The following SYT16 variants were observed in gnomAD, a reference collection of about 807,000 sequenced individuals.
SYT16 encodes synaptotagmin-16.
SYT16 carries 42 observed loss-of-function variants against 61.4 expected under a neutral mutation model. The observed-to-expected ratio is 0.68, with a 90% CI of 0.53 to 0.89. The LOEUF (loss-of-function observed/expected upper bound fraction) is 0.89. Ranked by LOEUF, SYT16 falls within the 40% of genes least tolerant of loss-of-function variation. SYT16 has a pLI of 0.00. For missense variants in SYT16, 804 were observed against 807.3 expected (o/e 1.00, Z 0.05); for synonymous variants, 314 against 302.3 (o/e 1.04, Z -0.40).
At chr14:61,901,165 T>C (rs1323651084) in intron 1 of SYT16, among the ~76,000 whole-genome samples, 1 of 152,230 alleles carries the variant, frequency 6.6e-6, no homozygotes, top group East Asian at 1.9e-4. Context: ...CACTATCTGC[T>C]CTAATACCAG....
At position 62,086,352 on chromosome 14, in the gene SYT16, C is replaced by T. The variant is rs188353061; in HGVS notation, c.1624+1967C>T. 2.2e-3 allele frequency among the ~76,000 whole-genome samples: 331 copies of T among 152,140 alleles called. 2 individuals are homozygous for T. The highest frequency in any genetic ancestry group is 2.1e-3 in the Non-Finnish European group (144 of 67,996). On this transcript the variant is annotated intron_variant, in intron 7 of 7. Transcript: ENST00000683842. ...AAAATTAGCTGAGCTTGGTGGTGCACGCCTGTAATCCCAGCTACTTGGGAG... is the reference window on the plus strand; with the variant it reads ...AAAATTAGCTGAGCTTGGTGGTGCATGCCTGTAATCCCAGCTACTTGGGAG...
chr14:61,874,659 A>G (rs1464706845), intron 1 of SYT16, among the ~76,000 whole-genome samples: 1 of 152,234 alleles, frequency 6.6e-6, no homozygotes, highest in African/African-American at 2.4e-5. Flanking sequence ...CTTTGGGACC[A>G]TAAAGTAGAC....
intron 4 of SYT16, among the ~76,000 whole-genome samples, chr14:62,073,638 C>T (rs7148139): frequency 0.13 from 19,724 of 152,006 alleles, 1,656 homozygotes; most frequent in African/African-American, 0.23. Context: ...TTTACAAAAC[C>T]CCATATTAGG....
rs954131279 is a variant in SYT16 at position 61,821,554 on chromosome 14, C to T, written c.-325+8744C>T. 3.9e-5 allele frequency among the ~76,000 whole-genome samples: 6 copies of T among 152,316 alleles called. 1 individual carries two copies. Among genetic ancestry groups the T allele is most frequent in the Middle Eastern group, 3.4e-3 (1 of 294 alleles). ...ATTCAGACTCTTGCAGGCTGATGGA[C>T]TGAGGGCCTCAATTTCTTACTGGCT... On this transcript the variant is annotated intron_variant, in intron 1 of 7. Transcript: ENST00000683842.
intron 1 of SYT16, among the ~76,000 whole-genome samples, chr14:61,814,570 G>A (rs1018618211): frequency 1.3e-5 from 2 of 152,018 alleles, no homozygotes; most frequent in Non-Finnish European, 2.9e-5. Context: ...TTCCTTATAT[G>A]GTATACTCAA....
chr14:62,008,107 A>C (rs1438128993), intron 3 of SYT16, among the ~76,000 whole-genome samples: 1 of 151,912 alleles, frequency 6.6e-6, no homozygotes, highest in African/African-American at 2.4e-5. Context: ...TGTGTTGTTT[A>C]TTTATTTATT....
intron 1 of SYT16, chr14:61,864,730 G>A: frequency 2.0e-6 from 2 of 992,394 alleles, no homozygotes; most frequent in South Asian, 3.1e-5. Flanking sequence ...CTCGGACAAC[G>A]TGTCCACTCG....
chr14:62,051,555 G>C (rs996167723), intron 3 of SYT16, among the ~76,000 whole-genome samples: 2 of 152,214 alleles, frequency 1.3e-5, no homozygotes, highest in African/African-American at 4.8e-5. Context: ...CCCGTCTTCT[G>C]CATCAGTCAC....
At chr14:61,866,645 T>G (rs2047164960) in intron 1 of SYT16, among the ~76,000 whole-genome samples, 2 of 152,274 alleles carry the variant, frequency 1.3e-5, no homozygotes, top group Admixed American at 1.3e-4. Context: ...ATGAGGGTTC[T>G]TTAGTGTGCA....
intron 1 of SYT16, among the ~76,000 whole-genome samples, chr14:61,966,886 A>C (rs1444330153): frequency 6.6e-6 from 1 of 152,202 alleles, no homozygotes; most frequent in Non-Finnish European, 1.5e-5. Flanking sequence ...AACATAGAAG[A>C]GTTCCAACAT....
chr14:62,032,307 T>C (rs2054337517), intron 3 of SYT16, among the ~76,000 whole-genome samples: 3 of 152,180 alleles, frequency 2.0e-5, no homozygotes, highest in African/African-American at 7.2e-5. Flanking sequence ...TTCTTCACTA[T>C]GGTAAAACCA....
chr14:62,083,649 T>G (rs1477077395), intron 6 of SYT16, among the ~76,000 whole-genome samples: 1 of 152,170 alleles, frequency 6.6e-6, no homozygotes, highest in Non-Finnish European at 1.5e-5. Context: ...AAGGCAAAAT[T>G]TGGCACCTGG....
chr14:61,911,040 A>G (rs965642599), intron 1 of SYT16, among the ~76,000 whole-genome samples: 3 of 152,198 alleles, frequency 2.0e-5, no homozygotes, highest in Non-Finnish European at 2.9e-5. Context: ...GGATCTTGCT[A>G]TTGAACAATT....
At chr14:61,997,289 C>A (rs2052807414) in intron 3 of SYT16, among the ~76,000 whole-genome samples, 1 of 152,010 alleles carries the variant, frequency 6.6e-6, no homozygotes, top group African/African-American at 2.4e-5. Context: ...AAATGATATA[C>A]ACAGAAGGGA....
intron 7 of SYT16, among the ~76,000 whole-genome samples, chr14:62,093,915 T>A (rs773836275): frequency 3.3e-5 from 5 of 152,016 alleles, no homozygotes; most frequent in Non-Finnish European, 5.9e-5. Context: ...TGCATTACAG[T>A]CCAAAGTAGT....
chr14:61,985,917 G>T (rs943471179), intron 2 of SYT16, among the ~76,000 whole-genome samples: 5 of 152,142 alleles, frequency 3.3e-5, no homozygotes, highest in African/African-American at 9.7e-5. Flanking sequence ...GCTACCAACA[G>T]TAGTAACAAG....
chr14:61,817,013 ACACACAC>A (rs2045459264), intron 1 of SYT16, among the ~76,000 whole-genome samples: 17 of 144,840 alleles, frequency 1.2e-4, no homozygotes, highest in Non-Finnish European at 1.1e-4. Context: ...TCCGTCACAC[ACACACAC>A]ACACACACAA....
intron 1 of SYT16, among the ~76,000 whole-genome samples, chr14:61,827,387 A>G (rs2045806183): frequency 6.6e-6 from 1 of 152,216 alleles, no homozygotes; most frequent in African/African-American, 2.4e-5. Context: ...GTTTCTGGCT[A>G]TATCCTTCTC....
At chr14:61,846,160 G>A (rs1410511266) in intron 1 of SYT16, among the ~76,000 whole-genome samples, 6 of 152,136 alleles carry the variant, frequency 3.9e-5, no homozygotes, top group African/African-American at 1.4e-4. Flanking sequence ...TATACATTAG[G>A]TCCATTTGGT....
Sources: gnomAD v4.1 joint callset for allele counts (sites outside exome capture counted in the v4.1 genomes callset) on GRCh38, gnomAD v4.1.1 for gene constraint, MANE v1.5 for transcripts, NCBI Gene and HGNC (gene_info 2026-07-23, HGNC 2026-07-21) for gene names.